The following BEND5 variants were observed in gnomAD, a reference collection of about 807,000 sequenced individuals.
BEND5 encodes BEN domain containing 5.
BEND5 carries 22 observed loss-of-function variants against 43.9 expected under a neutral mutation model. The observed-to-expected ratio is 0.50, with a 90% CI of 0.36 to 0.72. The LOEUF is 0.72. Among genes scored for constraint, BEND5 ranks in the 30% least tolerant of loss-of-function variants. BEND5 has a pLI of 0.00. For missense variants in BEND5, 428 were observed against 550.6 expected (o/e 0.78, Z 2.23); for synonymous variants, 228 against 225.9 (o/e 1.01, Z -0.08).
chr1:48,729,459 G>A (rs1353283434), intron 5 of BEND5, among the ~76,000 whole-genome samples: 1 of 152,172 alleles, frequency 6.6e-6, no homozygotes, highest in African/African-American at 2.4e-5. Context: ...ATTCAACCTT[G>A]AGGAATTGCT....
chr1:48,754,664 GCTTC>G (rs1164020895), intron 3 of BEND5, among the ~76,000 whole-genome samples: 1 of 152,098 alleles, frequency 6.6e-6, no homozygotes, highest in African/African-American at 2.4e-5. Flanking sequence ...AATTACATAT[GCTTC>G]CTTATTTAAT....
In BEND5 at chr1:48,730,152, G is replaced by C. The variant is rs567590173; in HGVS notation, c.1109-2109C>G. On this transcript the variant is annotated intron_variant, in intron 5 of 5. Coordinates refer to ENST00000371833, the MANE Select transcript of BEND5 (RefSeq NM_024603.4). Reference sequence around the variant, plus strand: ...TCGGTTTTTCTCTCTGTCAAAGCACGAATCACAATCTAATAAAACTGTAAC... The same window carrying C: ...TCGGTTTTTCTCTCTGTCAAAGCACCAATCACAATCTAATAAAACTGTAAC... Among the ~76,000 whole-genome samples, 3 of 152,172 alleles carry C rather than the reference G, an allele frequency of 2.0e-5. No individual in the cohort carries two copies. The East Asian group carries it at 5.8e-4, about 29-fold the overall frequency.
At chr1:48,746,113 C>T (rs1403972351) in intron 3 of BEND5, among the ~76,000 whole-genome samples, 3 of 151,958 alleles carry the variant, frequency 2.0e-5, no homozygotes, top group Admixed American at 6.6e-5. Context: ...TGTTGTGTCA[C>T]CTGAAAGGAG....
chr1:48,747,031 A>G (rs1460959736), intron 3 of BEND5, among the ~76,000 whole-genome samples: 2 of 152,232 alleles, frequency 1.3e-5, no homozygotes, highest in South Asian at 2.1e-4. Flanking sequence ...CGGCTTCACT[A>G]CCGATGTTGG....
intron 1 of BEND5, among the ~76,000 whole-genome samples, chr1:48,771,166 T>G (rs1170537996): frequency 6.6e-6 from 1 of 152,190 alleles, no homozygotes; most frequent in African/African-American, 2.4e-5. Context: ...TCAATACTTG[T>G]GGAACTTAAA....
intron 1 of BEND5, among the ~76,000 whole-genome samples, chr1:48,769,913 C>G (rs907048187): frequency 6.6e-6 from 1 of 152,210 alleles, no homozygotes; most frequent in Non-Finnish European, 1.5e-5. Flanking sequence ...AAAGCCTGTC[C>G]TCTTTCAGCT....
In BEND5 at chr1:48,739,492, C is replaced by T. The variant is rs540653464; in HGVS notation, c.895-3040G>A. Reference sequence around the variant, plus strand: ...ATAGTCCATCTACACTACAAAATTCCGGAACTTGTTCATTTCCCGCTACTT... The same window carrying T: ...ATAGTCCATCTACACTACAAAATTCTGGAACTTGTTCATTTCCCGCTACTT... On this transcript the variant is annotated intron_variant, in intron 4 of 5. Transcript: ENST00000371833. 4.6e-5 allele frequency among the ~76,000 whole-genome samples: 7 copies of T among 152,268 alleles called. No individual in the cohort carries two copies. The East Asian group carries it at 5.8e-4, about 13-fold the overall frequency.
intron 5 of BEND5, among the ~76,000 whole-genome samples, chr1:48,732,753 T>C (rs1648347963): frequency 6.6e-6 from 1 of 152,044 alleles, no homozygotes; most frequent in Non-Finnish European, 1.5e-5. Context: ...GAGTACAGAT[T>C]TCAACCCAAA....
chr1:48,768,388 G>A (rs1179480485), intron 1 of BEND5, among the ~76,000 whole-genome samples: 3 of 152,034 alleles, frequency 2.0e-5, no homozygotes, highest in African/African-American at 7.2e-5. Flanking sequence ...GCCACAAAGA[G>A]CTTTCTTGTA....
At chr1:48,750,858 G>A (rs943391022) in intron 3 of BEND5, among the ~76,000 whole-genome samples, 4 of 152,072 alleles carry the variant, frequency 2.6e-5, no homozygotes, top group Non-Finnish European at 5.9e-5. Context: ...GAACTCTGGG[G>A]TTCCTTATAG....
intron 1 of BEND5, among the ~76,000 whole-genome samples, chr1:48,775,807 T>G (rs1279225957): frequency 6.6e-6 from 1 of 152,226 alleles, no homozygotes; most frequent in African/African-American, 2.4e-5. Flanking sequence ...CCTTAGCCCA[T>G]CTCTCAGGGC....
At chr1:48,761,589 AAAAC>A (rs1644258151) in intron 1 of BEND5, 119 bp from the exon 2 acceptor site, 2 of 1,056,474 alleles carry the variant, frequency 1.9e-6, no homozygotes, top group Non-Finnish European at 2.7e-6. Context: ...TTAAAAAGGA[AAAAC>A]AAACAGACTC....
intron 3 of BEND5, among the ~76,000 whole-genome samples, chr1:48,749,042 C>T (rs1237479501): frequency 6.6e-6 from 1 of 152,014 alleles, no homozygotes; most frequent in Non-Finnish European, 1.5e-5. Context: ...AGCCCCCTTT[C>T]CAAGGGGGAG....
intron 5 of BEND5, among the ~76,000 whole-genome samples, chr1:48,730,654 G>T (rs1003109411): frequency 6.6e-6 from 1 of 152,144 alleles, no homozygotes; most frequent in Non-Finnish European, 1.5e-5. Flanking sequence ...GTGGGTAACA[G>T]CACTGAACGA....
intron 5 of BEND5, among the ~76,000 whole-genome samples, chr1:48,735,687 T>C (rs1247279218): frequency 3.9e-5 from 6 of 151,982 alleles, no homozygotes; most frequent in African/African-American, 1.4e-4. Context: ...GGAAGCTGAA[T>C]CTAGTGACTA....
intron 2 of BEND5, 195 bp from the exon 3 acceptor site, chr1:48,759,479 T>C (rs1644138880): frequency 1.8e-6 from 2 of 1,131,544 alleles, no homozygotes; most frequent in Non-Finnish European, 2.4e-6. Context: ...ATAAATGGGG[T>C]TCCGAGTGGG....
At chr1:48,776,093 G>T (rs979853373) in intron 1 of BEND5, among the ~76,000 whole-genome samples, 49 of 152,160 alleles carry the variant, frequency 3.2e-4, no homozygotes, top group African/African-American at 1.0e-3. Context: ...CCCTCTGTGA[G>T]GAGGGACTCC....
At position 48,772,077 on chromosome 1, in the gene BEND5, T is replaced by C. The variant is rs186506950; in HGVS notation, c.226+4529A>G. On this transcript the variant is annotated intron_variant, in intron 1 of 5. Coordinates refer to ENST00000371833, the MANE Select transcript of BEND5 (RefSeq NM_024603.4). ...CTTCCCAAAGTTGATGAGTTCAACA[T>C]GGGCACACCAGTGCAGACTATATGC... Among the ~76,000 whole-genome samples the C allele has an allele frequency of 3.9e-5, 6 of 152,340 alleles. No homozygotes were observed. In the East Asian group the frequency reaches 1.2e-3, roughly 29 times the overall value.
intron 1 of BEND5, among the ~76,000 whole-genome samples, chr1:48,763,262 A>G (rs1265193121): frequency 6.6e-6 from 1 of 152,144 alleles, no homozygotes; most frequent in Non-Finnish European, 1.5e-5. Flanking sequence ...TTGGGTTCCT[A>G]TTTTCACAAT....
Sources: gnomAD v4.1 joint callset for allele counts (sites outside exome capture counted in the v4.1 genomes callset) on GRCh38, gnomAD v4.1.1 for gene constraint, MANE v1.5 for transcripts, NCBI Gene and HGNC (gene_info 2026-07-23, HGNC 2026-07-21) for gene names.